Variants in GRB10 observed in about 807,000 individuals in gnomAD.
GRB10 encodes growth factor receptor bound protein 10.
GRB10 carries 20 observed loss-of-function variants against 80.9 expected under a neutral mutation model. That is an observed-to-expected ratio of 0.25 (90% CI 0.17 to 0.36). The LOEUF (loss-of-function observed/expected upper bound fraction) is 0.36, where lower values mean the gene tolerates loss of function less well. Among genes scored for constraint, GRB10 ranks in the 10% least tolerant of loss-of-function variants. The pLI, the probability that GRB10 is intolerant of heterozygous loss-of-function variation, is 1.00. For missense variants in GRB10, 548 were observed against 747.7 expected, an observed-to-expected ratio of 0.73 and a Z score of 3.12; for synonymous variants, 291 against 291.5, an observed-to-expected ratio of 1.00 and a Z score of 0.02.
intron 4 of GRB10, among the ~76,000 whole-genome samples, chr7:50,712,436 C>T (rs2066038965): frequency 3.3e-5 from 5 of 152,184 alleles, no homozygotes. Flanking sequence ...AAGGGGGATG[C>T]TCTTTACTTA....
chr7:50,699,448 GTTA>G (rs1453457002), intron 5 of GRB10, among the ~76,000 whole-genome samples: 2 of 152,098 alleles, frequency 1.3e-5, no homozygotes, highest in African/African-American at 4.8e-5. Flanking sequence ...TACAAATTTT[GTTA>G]TTATTTGTTA....
At position 50,617,828 on chromosome 7, in the gene GRB10, A is replaced by T. The variant is rs1044480883; in HGVS notation, c.846+243T>A. The T allele has an allele frequency of 1.2e-5, 7 of 580,562 alleles. No individual in the cohort carries two copies. The African/African-American group carries it at 1.3e-4, about 11-fold the overall frequency. The allele number at this position is 580,562 out of a possible 1,614,324, so 36.0% of individuals were successfully genotyped here. On this transcript the variant is annotated intron_variant, in intron 10 of 18. Coordinates refer to ENST00000401949, the MANE Select transcript of GRB10 (RefSeq NM_001350814.2). Reference sequence around the variant, plus strand: ...CACTGGACTCTTCTAAGTCAGAGCAAGGGCATCGTGTAAGTGCCTGTTTGG... The same window carrying T: ...CACTGGACTCTTCTAAGTCAGAGCATGGGCATCGTGTAAGTGCCTGTTTGG...
rs555332689 is a variant in GRB10 at position 50,726,705 on chromosome 7, T to C, written c.51+5567A>G. 1.1e-4 allele frequency among the ~76,000 whole-genome samples: 17 copies of C among 152,312 alleles called. No homozygotes were observed. In the South Asian group the frequency reaches 3.5e-3, roughly 32 times the overall value. Reference sequence around the variant, plus strand: ...CACATTTAGGGACAATACATAATAATCTTTATTTCAACTGAAAAGCTGTTG... The same window carrying C: ...CACATTTAGGGACAATACATAATAACCTTTATTTCAACTGAAAAGCTGTTG... On this transcript the variant is annotated intron_variant, in intron 4 of 18. Transcript: ENST00000401949.
chr7:50,639,078 G>A (rs918262056), intron 7 of GRB10, among the ~76,000 whole-genome samples: 3 of 152,066 alleles, frequency 2.0e-5, no homozygotes, highest in African/African-American at 7.2e-5. Context: ...CAGACATTGG[G>A]GACTCCAAAA....
intron 2 of GRB10, among the ~76,000 whole-genome samples, chr7:50,778,490 G>A (rs1427482251): frequency 6.6e-6 from 1 of 152,224 alleles, no homozygotes; most frequent in Non-Finnish European, 1.5e-5. Flanking sequence ...AAGAACTTTG[G>A]TGGTAGAATT....
At chr7:50,786,081 T>A (rs1014229862), upstream of GRB10, among the ~76,000 whole-genome samples, 11 of 151,978 alleles carry the variant, frequency 7.2e-5, no homozygotes, top group Non-Finnish European at 1.6e-4. Flanking sequence ...GTCTGTTTTT[T>A]AAAAAGAATA....
intron 7 of GRB10, among the ~76,000 whole-genome samples, chr7:50,635,561 C>CAAAACAAA (rs150069929): frequency 0.53 from 79,478 of 150,954 alleles, 21,012 homozygotes; most frequent in Admixed American, 0.54. Flanking sequence ...AAAAACAAAA[C>CAAAACAAA]AAAACAAAAA....
Position 50,768,732 on chromosome 7 carries a change from C to T in GRB10, c.-217+11895G>A, listed in dbSNP as rs1008163167. ...TTGTGGCAAGCATGACCGACCATTG[C>T]TTTTATCAGTTCTGCAAAAGCTGCA... On this transcript the variant is annotated intron_variant, in intron 2 of 18. Coordinates refer to ENST00000401949, the MANE Select transcript of GRB10 (RefSeq NM_001350814.2). 3.3e-5 allele frequency among the ~76,000 whole-genome samples: 5 copies of T among 152,188 alleles called. No individual in the cohort carries two copies. In the East Asian group the frequency reaches 9.6e-4, roughly 29 times the overall value.
At chr7:50,669,693 G>A in intron 7 of GRB10, 29 bp downstream of exon 7, 1 of 1,607,460 alleles carries the variant, frequency 6.2e-7, no homozygotes, top group Non-Finnish European at 8.5e-7. Context: ...ATATCCCTCA[G>A]CCTGGGCTCC....
chr7:50,605,434 A>C (rs1387096467), intron 14 of GRB10, 28 bp from the exon 15 acceptor site: 68 of 1,549,902 alleles, frequency 4.4e-5, no homozygotes, highest in Non-Finnish European at 5.9e-5. Context: ...CAGTTCTTAA[A>C]ATGCAGGGAA....
intron 5 of GRB10, among the ~76,000 whole-genome samples, chr7:50,692,587 C>T (rs73349011): frequency 6.6e-6 from 1 of 152,080 alleles, no homozygotes; most frequent in Non-Finnish European, 1.5e-5. Flanking sequence ...GGCAGGGGCT[C>T]AGGACCTTTC....
chr7:50,723,844 C>A (rs2068150357), intron 4 of GRB10, among the ~76,000 whole-genome samples: 1 of 152,072 alleles, frequency 6.6e-6, no homozygotes, highest in Non-Finnish European at 1.5e-5. Context: ...AAGACTAGAA[C>A]AGCTGCTCAA....
rs113166079 is a variant in GRB10, at chr7:50,667,844, G to A, written c.504+1878C>T. ...AAAACACCAGCAGGCAAAATTCCCC[G>A]GTTTCCTTGTTCTGCTTACAAATTT... On this transcript the variant is annotated intron_variant, in intron 7 of 18. Coordinates refer to ENST00000401949, the MANE Select transcript of GRB10 (RefSeq NM_001350814.2). Among the ~76,000 whole-genome samples, 43 of 152,120 alleles carry A rather than the reference G, an allele frequency of 2.8e-4. 1 individual carries two copies. Among genetic ancestry groups the A allele is most frequent in the African/African-American group, 9.2e-4 (38 of 41,494 alleles).
intron 3 of GRB10, among the ~76,000 whole-genome samples, chr7:50,738,515 T>G (rs1451050227): frequency 6.6e-6 from 1 of 152,232 alleles, no homozygotes; most frequent in African/African-American, 2.4e-5. Context: ...CAAAGCTTGC[T>G]GCAGCCTCAA....
intron 5 of GRB10, among the ~76,000 whole-genome samples, chr7:50,687,759 C>T (rs1285692660): frequency 6.6e-6 from 1 of 152,030 alleles, no homozygotes; most frequent in Non-Finnish European, 1.5e-5. Flanking sequence ...CAGCAGAGAC[C>T]ACAATGGAAT....
At chr7:50,605,083 G>C in intron 15 of GRB10, 2 of 595,920 alleles carry the variant, frequency 3.4e-6, no homozygotes, top group East Asian at 2.8e-5. Flanking sequence ...AAGCCCAGGG[G>C]ACAGGGGACA....
intron 2 of GRB10, among the ~76,000 whole-genome samples, chr7:50,758,096 GAAGAGTTAGT>G (rs2075309063): frequency 6.6e-6 from 1 of 152,152 alleles, no homozygotes; most frequent in Non-Finnish European, 1.5e-5. Context: ...CTGATAAACT[GAAGAGTTAGT>G]AAGATACAAT....
chr7:50,674,633 C>T lies in GRB10; in HGVS notation c.165G>A (p.Leu55=), dbSNP rs375938565. Residue 55 remains leucine, a synonymous_variant, in exon 6 of 19, where the codon CTG becomes CTA. Coordinates refer to ENST00000401949, the MANE Select transcript of GRB10 (RefSeq NM_001350814.2). Reference sequence around the variant, plus strand: ...CCAGGGATGCATTCATATCGTTCACCAGGGCTTCCAGGTCCACATCATCCT... The same window carrying T: ...CCAGGGATGCATTCATATCGTTCACTAGGGCTTCCAGGTCCACATCATCCT... The part of the protein sequence containing the change: ...HQEDDVDLEA[L]VNDMNASLES... 1.2e-5 allele frequency: 19 copies of T among 1,613,838 alleles called. No homozygotes were observed. The highest frequency in any genetic ancestry group is 1.6e-5 in the Non-Finnish European group (19 of 1,180,028).
chr7:50,746,051 T>A (rs911550128), intron 3 of GRB10, among the ~76,000 whole-genome samples: 4 of 152,204 alleles, frequency 2.6e-5, no homozygotes. Flanking sequence ...TGGGTGCCAC[T>A]GAGAGTAGGA....
Sources: gnomAD v4.1 joint callset for allele counts (sites outside exome capture counted in the v4.1 genomes callset) on GRCh38, gnomAD v4.1.1 for gene constraint, MANE v1.5 for transcripts, NCBI Gene and HGNC (gene_info 2026-07-23, HGNC 2026-07-21) for gene names.